ERBB4: variants seen among roughly 807,000 people sequenced by gnomAD.
ERBB4 encodes receptor tyrosine-protein kinase erbB-4.
A neutral mutation model predicts 158.0 loss-of-function variants in ERBB4; 42 were observed. The observed-to-expected ratio is 0.27, with a 90% CI of 0.21 to 0.34. The LOEUF is 0.34. Among genes scored for constraint, ERBB4 ranks in the 10% least tolerant of loss-of-function variants. ERBB4 has a pLI of 1.00. For synonymous variants in ERBB4, 583 were observed against 558.7 expected (o/e 1.04, Z -0.61); for missense variants, 1,333 against 1,624.1 (o/e 0.82, Z 3.08).
At chr2:212,398,406 A>G (rs747922664) in intron 1 of ERBB4, among the ~76,000 whole-genome samples, 5 of 152,112 alleles carry the variant, frequency 3.3e-5, no homozygotes, top group Non-Finnish European at 7.4e-5. Context: ...TCACTTAAAG[A>G]TTTCCACACT....
intron 3 of ERBB4, among the ~76,000 whole-genome samples, chr2:211,922,905 G>C (rs936995484): frequency 6.6e-6 from 1 of 152,116 alleles, no homozygotes; most frequent in Non-Finnish European, 1.5e-5. Context: ...GGGAATGAAA[G>C]AGTGTTTAGT....
At chr2:212,362,710 A>C (rs2089735045) in intron 1 of ERBB4, among the ~76,000 whole-genome samples, 1 of 110,510 alleles carries the variant, frequency 9.0e-6, no homozygotes, top group South Asian at 2.6e-4. Context: ...ATAAAAAATA[A>C]ATAATACAAT....
chr2:211,912,184 A>G (rs1050788116), intron 3 of ERBB4, among the ~76,000 whole-genome samples: 1 of 152,178 alleles, frequency 6.6e-6, no homozygotes, highest in Middle Eastern at 3.2e-3. Flanking sequence ...AGTGAATGTT[A>G]GAAGAGAAAA....
chr2:211,888,064 C>A (rs2078850488), intron 3 of ERBB4, among the ~76,000 whole-genome samples: 1 of 152,156 alleles, frequency 6.6e-6, no homozygotes, highest in Non-Finnish European at 1.5e-5. Flanking sequence ...CTTACATTAG[C>A]AATATCTTCT....
At chr2:211,813,658 T>A (rs1330020399) in intron 3 of ERBB4, among the ~76,000 whole-genome samples, 1 of 152,180 alleles carries the variant, frequency 6.6e-6, no homozygotes, top group Non-Finnish European at 1.5e-5. Context: ...ACTATTCCTA[T>A]CCTACAAGTG....
intron 2 of ERBB4, among the ~76,000 whole-genome samples, chr2:212,008,212 G>T (rs73988936): frequency 6.6e-6 from 1 of 151,924 alleles, no homozygotes; most frequent in South Asian, 2.1e-4. Flanking sequence ...TCTACAGGGG[G>T]GTTTTACACA....
At chr2:212,144,445 C>T (rs1010749154) in intron 1 of ERBB4, among the ~76,000 whole-genome samples, 3 of 152,108 alleles carry the variant, frequency 2.0e-5, no homozygotes, top group African/African-American at 7.2e-5. Context: ...TCAACTTACC[C>T]ACAACTTTTC....
intron 1 of ERBB4, among the ~76,000 whole-genome samples, chr2:212,149,466 G>T (rs187739044): frequency 6.6e-6 from 1 of 151,978 alleles, no homozygotes; most frequent in Admixed American, 6.6e-5. Flanking sequence ...TTATGAAATC[G>T]GATAATATTT....
Position 211,722,376 on chromosome 2 carries a change from C to T in ERBB4, c.883+17G>A, listed in dbSNP as rs200396473. 5 of 1,602,932 alleles carry T rather than the reference C, an allele frequency of 3.1e-6. No individual in the cohort carries two copies. In the Admixed American group the frequency reaches 8.3e-5, roughly 27 times the overall value. The stretch of plus-strand genomic sequence containing the variant: ...TAATGACCTAATTAATTTGGTTATT[C>T]TTATTCTGTTACTTACGTGGACATT... On this transcript the variant is annotated intron_variant, in intron 7 of 27. Coordinates refer to ENST00000342788, the MANE Select transcript of ERBB4 (RefSeq NM_005235.3).
intron 17 of ERBB4, among the ~76,000 whole-genome samples, chr2:211,628,846 T>G (rs964717445): frequency 6.6e-6 from 1 of 152,196 alleles, no homozygotes; most frequent in African/African-American, 2.4e-5. Context: ...TTCCTGACTT[T>G]TTAATGATCG....
chr2:211,696,816 C>T (rs190266395), intron 12 of ERBB4, among the ~76,000 whole-genome samples: 68 of 152,148 alleles, frequency 4.5e-4, no homozygotes, highest in African/African-American at 1.5e-3. Flanking sequence ...ACTACAGGCA[C>T]CTGCCACCAT....
chr2:211,703,532 T>C (rs10221675), intron 11 of ERBB4, among the ~76,000 whole-genome samples: 73,554 of 152,064 alleles, frequency 0.48, 18,663 homozygotes, highest in Non-Finnish European at 0.58. Context: ...AAGAACATCA[T>C]ACAGATGACA....
At chr2:212,007,347 C>T (rs1201251602) in intron 2 of ERBB4, among the ~76,000 whole-genome samples, 1 of 151,658 alleles carries the variant, frequency 6.6e-6, no homozygotes, top group Non-Finnish European at 1.5e-5. Context: ...GGACTATTAA[C>T]TTATATCTGT....
At chr2:211,441,470 C>A (rs1197227232) in intron 20 of ERBB4, among the ~76,000 whole-genome samples, 1 of 152,060 alleles carries the variant, frequency 6.6e-6, no homozygotes, top group Non-Finnish European at 1.5e-5. Context: ...CCTGTAGCTC[C>A]CTGCCTCTAA....
At chr2:211,529,552 A>C (rs1276126113) in intron 20 of ERBB4, among the ~76,000 whole-genome samples, 1 of 152,146 alleles carries the variant, frequency 6.6e-6, no homozygotes, top group African/African-American at 2.4e-5. Context: ...CGAAAAAGAA[A>C]GCTACAGGCC....
intron 12 of ERBB4, among the ~76,000 whole-genome samples, chr2:211,680,440 T>G (rs12470629): frequency 6.6e-6 from 1 of 151,940 alleles, no homozygotes; most frequent in Non-Finnish European, 1.5e-5. Flanking sequence ...GATTAAAACA[T>G]CAAAATCAAC....
intron 1 of ERBB4, among the ~76,000 whole-genome samples, chr2:212,510,915 C>A (rs561087090): frequency 9.3e-4 from 141 of 152,048 alleles, no homozygotes; most frequent in African/African-American, 2.7e-3. Context: ...GAATGTCCAA[C>A]GACATTATTT....
At chr2:211,834,575 T>G (rs2077298088) in intron 3 of ERBB4, among the ~76,000 whole-genome samples, 1 of 152,154 alleles carries the variant, frequency 6.6e-6, no homozygotes, top group Non-Finnish European at 1.5e-5. Context: ...GTTAATATTT[T>G]TTTACTTTGT....
intron 25 of ERBB4, among the ~76,000 whole-genome samples, chr2:211,389,499 A>C (rs185335275): frequency 2.6e-5 from 4 of 152,308 alleles, no homozygotes; most frequent in Non-Finnish European, 5.9e-5. Context: ...ATCAAGGGAC[A>C]TGGTCTGAAC....
Sources: gnomAD v4.1 joint callset for allele counts (sites outside exome capture counted in the v4.1 genomes callset) on GRCh38, gnomAD v4.1.1 for gene constraint, MANE v1.5 for transcripts, NCBI Gene and HGNC (gene_info 2026-07-23, HGNC 2026-07-21) for gene names.